Variants in DPYSL5 observed in about 807,000 individuals in gnomAD.
The protein encoded by DPYSL5 is dihydropyrimidinase like 5.
In DPYSL5, 9 loss-of-function variants were observed where a neutral mutation model predicts 58.4. The observed-to-expected ratio is 0.15, with a 90% CI of 0.09 to 0.27. The LOEUF is 0.27. Among genes scored for constraint, DPYSL5 ranks in the 10% least tolerant of loss-of-function variants. DPYSL5 has a pLI of 1.00. For missense variants in DPYSL5, 499 were observed against 770.6 expected (o/e 0.65, Z 4.17); for synonymous variants, 293 against 301.9 (o/e 0.97, Z 0.31).
At chr2:26,937,082 C>A (rs947441923) in intron 8 of DPYSL5, among the ~76,000 whole-genome samples, 24 of 151,810 alleles carry the variant, frequency 1.6e-4, no homozygotes, top group African/African-American at 4.1e-4. Context: ...TTTTGAAACA[C>A]CCCTGCTTGC....
chr2:26,936,113 T>G (rs1665168377), intron 8 of DPYSL5, among the ~76,000 whole-genome samples: 1 of 152,016 alleles, frequency 6.6e-6, no homozygotes, highest in South Asian at 2.1e-4. Context: ...GGTGGACTGG[T>G]GAGGAGAGGG....
Position 26,933,785 on chromosome 2 carries a change from T to A in DPYSL5, c.790+452T>A, listed in dbSNP as rs758701231. On this transcript the variant is annotated intron_variant, in intron 7 of 12. Coordinates refer to ENST00000288699, the MANE Select transcript of DPYSL5 (RefSeq NM_020134.4). The surrounding 1 kb of genome is among the most constrained non-coding windows in gnomAD (Gnocchi z 4.2). ...GCTTCCTTTTAGCCTCCTGGAACCC[T>A]GTGTATGAGTCCGAGGGGCACTTGT... Among the ~76,000 whole-genome samples, 5 of 152,144 alleles carry A rather than the reference T, an allele frequency of 3.3e-5. No homozygotes were observed. The highest frequency in any genetic ancestry group is 7.4e-5 in the Non-Finnish European group (5 of 68,026).
chr2:26,867,490 C>G (rs1410368481), intron 1 of DPYSL5, among the ~76,000 whole-genome samples: 2 of 137,106 alleles, frequency 1.5e-5, no homozygotes, highest in African/African-American at 5.5e-5. Flanking sequence ...GAGTCTCGCT[C>G]TGTCGCCCAG....
intron 11 of DPYSL5, among the ~76,000 whole-genome samples, chr2:26,943,653 C>T (rs974724537): frequency 6.6e-6 from 1 of 152,184 alleles, no homozygotes; most frequent in Non-Finnish European, 1.5e-5. Flanking sequence ...TGTGCCAGAG[C>T]AGTTGGAACA....
At chr2:26,907,489 G>C (rs1000385008) in intron 2 of DPYSL5, among the ~76,000 whole-genome samples, 1 of 152,094 alleles carries the variant, frequency 6.6e-6, no homozygotes, top group African/African-American at 2.4e-5. Context: ...CTGATGTCGT[G>C]TCCCTGCAAT....
At chr2:26,910,616 C>CTTTTTTTTTTTTTTTTT (rs34929540) in intron 2 of DPYSL5, among the ~76,000 whole-genome samples, 1 of 118,526 alleles carries the variant, frequency 8.4e-6, no homozygotes, top group African/African-American at 3.2e-5. Context: ...TCTTCTTCTT[C>CTTTTTTTTTTTTTTTTT]TTTTTTTTTT....
chr2:26,872,834 G>A (rs184490378), intron 1 of DPYSL5, among the ~76,000 whole-genome samples: 15 of 152,224 alleles, frequency 9.9e-5, no homozygotes, highest in Middle Eastern at 3.4e-3. Context: ...AAAAACGGCC[G>A]TTGGAAAAAT....
At chr2:26,869,972 C>T (rs1255008465) in intron 1 of DPYSL5, among the ~76,000 whole-genome samples, 3 of 152,214 alleles carry the variant, frequency 2.0e-5, no homozygotes, top group African/African-American at 4.8e-5. Context: ...GATCGCGCCA[C>T]TGCACTCCAG....
At chr2:26,916,941 G>A (rs1359506806) in intron 2 of DPYSL5, among the ~76,000 whole-genome samples, 1 of 152,186 alleles carries the variant, frequency 6.6e-6, no homozygotes, top group African/African-American at 2.4e-5. Context: ...CTGCGCATTA[G>A]TGCTACCTAC....
At position 26,934,063 on chromosome 2, in the gene DPYSL5, G is replaced by A. The variant is rs1665105942; in HGVS notation, c.791-515G>A. ...GCCTCTCCCCTCACTGAAGCCCCTT[G>A]GAGGGTCTCGCCTAGACTGTCGTCC... On this transcript the variant is annotated intron_variant, in intron 7 of 12. Coordinates refer to ENST00000288699, the MANE Select transcript of DPYSL5 (RefSeq NM_020134.4). The surrounding 1 kb of genome is among the most constrained non-coding windows in gnomAD (Gnocchi z 4.3). Among the ~76,000 whole-genome samples, 1 of 152,044 alleles carries A rather than the reference G, an allele frequency of 6.6e-6. No individual in the cohort carries two copies. Among genetic ancestry groups the A allele is most frequent in the African/African-American group, 2.4e-5 (1 of 41,380 alleles).
chr2:26,872,024 A>T (rs572617577), intron 1 of DPYSL5, among the ~76,000 whole-genome samples: 25 of 152,176 alleles, frequency 1.6e-4, no homozygotes, highest in Non-Finnish European at 3.4e-4. Context: ...CAGCTGAGAT[A>T]TTTTCCTTGA....
intron 1 of DPYSL5, among the ~76,000 whole-genome samples, chr2:26,856,713 A>AT (rs953604962): frequency 1.0e-4 from 14 of 138,314 alleles, no homozygotes; most frequent in African/African-American, 6.5e-5. Flanking sequence ...TAATGGAGAA[A>AT]TTAAAAAAAA....
chr2:26,879,460 GAAAAAAAA>G (rs748100269), intron 1 of DPYSL5, among the ~76,000 whole-genome samples: 35 of 74,414 alleles, frequency 4.7e-4, no homozygotes, highest in Non-Finnish European at 7.9e-4. Context: ...ATCTCTATTT[GAAAAAAAA>G]AAAAAAAAAA....
intron 6 of DPYSL5, among the ~76,000 whole-genome samples, chr2:26,932,074 AAAG>A (rs1227054403): frequency 7.6e-5 from 8 of 105,498 alleles, no homozygotes; most frequent in South Asian, 3.5e-4. Flanking sequence ...AGAAAGAAAG[AAAG>A]AAAGAAAAGA....
chr2:26,946,497 TG>T (rs1334410413), intron 12 of DPYSL5, among the ~76,000 whole-genome samples: 2 of 152,154 alleles, frequency 1.3e-5, no homozygotes, highest in Admixed American at 1.3e-4. Context: ...GCCTTTGGGC[TG>T]TGGTTCTTTC....
At chr2:26,871,630 C>T (rs547754916) in intron 1 of DPYSL5, among the ~76,000 whole-genome samples, 15 of 151,846 alleles carry the variant, frequency 9.9e-5, no homozygotes, top group Middle Eastern at 6.8e-3. Context: ...TTAGTAGAGA[C>T]GGGCTTCACC....
rs2148167927 is a variant in DPYSL5, at chr2:26,933,497, A to G, written c.790+164A>G. ...GTCTTCCTCAGAGCTGCCCTGTGCT[A>G]TGCTGGCTTTAGTCTGCTAGAACAT... On this transcript the variant is annotated intron_variant, in intron 7 of 12. Transcript: ENST00000288699. The surrounding 1 kb of genome is among the most constrained non-coding windows in gnomAD (Gnocchi z 4.2). 6.6e-6 allele frequency among the ~76,000 whole-genome samples: 1 copy of G among 152,282 alleles called. No individual in the cohort carries two copies. The highest frequency in any genetic ancestry group is 2.1e-4 in the South Asian group (1 of 4,822).
At chr2:26,923,955 C>A (rs985815575) in intron 2 of DPYSL5, among the ~76,000 whole-genome samples, 5 of 152,202 alleles carry the variant, frequency 3.3e-5, no homozygotes, top group Non-Finnish European at 7.3e-5. Context: ...CCACTGCACC[C>A]ACTCTCACTT....
chr2:26,890,629 C>G (rs1453761181), intron 1 of DPYSL5, among the ~76,000 whole-genome samples: 5 of 152,246 alleles, frequency 3.3e-5, no homozygotes, highest in Non-Finnish European at 1.5e-5. Flanking sequence ...CAGCTCACCC[C>G]TCCTTCTGTA....
Sources: gnomAD v4.1 joint callset for allele counts (sites outside exome capture counted in the v4.1 genomes callset) on GRCh38, gnomAD v4.1.1 for gene constraint, Gnocchi (gnomAD v3.1) non-coding constraint, MANE v1.5 for transcripts, NCBI Gene and HGNC (gene_info 2026-07-23, HGNC 2026-07-21) for gene names.